The following EBF2 variants were observed in gnomAD, a reference collection of about 807,000 sequenced individuals.
EBF2 encodes the protein transcription factor COE2.
In EBF2, 21 loss-of-function variants were observed where a neutral mutation model predicts 72.8. That is an observed-to-expected ratio of 0.29 (90% CI 0.20 to 0.42). The LOEUF is 0.42. Ranked by LOEUF, EBF2 falls within the 10% of genes least tolerant of loss-of-function variation. The pLI, the probability that EBF2 is intolerant of heterozygous loss-of-function variation, is 1.00. For missense variants in EBF2, 637 were observed against 731.2 expected (o/e 0.87, Z 1.49); for synonymous variants, 299 against 274.2 (o/e 1.09, Z -0.89).
chr8:25,944,255 T>C (rs1342791153), intron 6 of EBF2, among the ~76,000 whole-genome samples: 1 of 152,204 alleles, frequency 6.6e-6, no homozygotes, highest in African/African-American at 2.4e-5. Context: ...CTAAAGTTTA[T>C]AAACATCTCT....
At chr8:26,002,178 C>T (rs545685155) in intron 6 of EBF2, among the ~76,000 whole-genome samples, 1 of 152,246 alleles carries the variant, frequency 6.6e-6, no homozygotes, top group African/African-American at 2.4e-5. Flanking sequence ...GCCAGGATCC[C>T]ACTTCTGGGG....
chr8:25,888,032 CT>C, intron 8 of EBF2, 60 bp from the exon 9 acceptor site: 1 of 1,524,416 alleles, frequency 6.6e-7, no homozygotes, highest in Non-Finnish European at 8.8e-7. Context: ...AACTTTTTGG[CT>C]TCCCAGGCCC....
chr8:25,846,050 A>C (rs1214218271), intron 15 of EBF2, among the ~76,000 whole-genome samples: 1 of 152,046 alleles, frequency 6.6e-6, no homozygotes, highest in Non-Finnish European at 1.5e-5. Context: ...GCCTTTATTG[A>C]ATGTTTGTGA....
intron 6 of EBF2, among the ~76,000 whole-genome samples, chr8:25,935,908 A>C (rs1288110420): frequency 6.6e-6 from 1 of 152,186 alleles, no homozygotes; most frequent in Non-Finnish European, 1.5e-5. Context: ...TGGCTTTCCA[A>C]AGTTGCGACC....
chr8:25,890,731 A>G (rs556633652), intron 7 of EBF2, among the ~76,000 whole-genome samples: 1 of 152,294 alleles, frequency 6.6e-6, no homozygotes, highest in South Asian at 2.1e-4. Flanking sequence ...CACTGACATG[A>G]TGCTTAAAGG....
chr8:25,966,587 G>T (rs897834376), intron 6 of EBF2, among the ~76,000 whole-genome samples: 3 of 152,218 alleles, frequency 2.0e-5, no homozygotes, highest in Non-Finnish European at 4.4e-5. Flanking sequence ...TAGGACAGAG[G>T]TTTCTGAACT....
chr8:25,928,281 G>GAC (rs1803418980), intron 6 of EBF2, among the ~76,000 whole-genome samples: 1 of 152,134 alleles, frequency 6.6e-6, no homozygotes, highest in South Asian at 2.1e-4. Context: ...TGCAGGAATT[G>GAC]AAGAACCTCT....
intron 10 of EBF2, among the ~76,000 whole-genome samples, chr8:25,882,972 C>A (rs1011857792): frequency 6.6e-6 from 1 of 152,216 alleles, no homozygotes; most frequent in Non-Finnish European, 1.5e-5. Flanking sequence ...AAAGGAGCAT[C>A]AGAAAGACAC....
intron 6 of EBF2, among the ~76,000 whole-genome samples, chr8:26,005,277 A>T (rs1170533640): frequency 1.7e-3 from 1 of 578 alleles, no homozygotes; most frequent in East Asian, 0.5. Context: ...TAATATATAT[A>T]ATTATATAAT....
intron 6 of EBF2, among the ~76,000 whole-genome samples, chr8:25,954,858 A>G (rs769277696): frequency 1.3e-5 from 2 of 152,092 alleles, no homozygotes; most frequent in Non-Finnish European, 2.9e-5. Context: ...TTTTAATTAT[A>G]CCATGGCTGG....
chr8:25,982,268 G>A (rs1563199230), intron 6 of EBF2, among the ~76,000 whole-genome samples: 1 of 152,202 alleles, frequency 6.6e-6, no homozygotes, highest in Non-Finnish European at 1.5e-5. Context: ...TTTGCTAAAT[G>A]GGAAGTGGTG....
Position 25,844,566 on chromosome 8 carries a change from C to A in EBF2, c.*43G>T. On this transcript the variant is annotated 3_prime_UTR_variant, in exon 16 of 16. Coordinates refer to ENST00000520164, the MANE Select transcript of EBF2 (RefSeq NM_022659.4). ...CCTAGTGCTTTCTTCATTATTGGTC[C>A]ATCAGAGTAAGTAGTTTTGTGCTAT... is the stretch of plus-strand genomic sequence containing the variant. The A allele has an allele frequency of 6.2e-7, 1 of 1,611,078 alleles. No homozygotes were observed. Among genetic ancestry groups the A allele is most frequent in the Non-Finnish European group, 8.5e-7 (1 of 1,177,352 alleles).
At chr8:25,953,208 C>T (rs1803892454) in intron 6 of EBF2, among the ~76,000 whole-genome samples, 2 of 152,140 alleles carry the variant, frequency 1.3e-5, no homozygotes, top group South Asian at 4.1e-4. Flanking sequence ...TGTAATGCCT[C>T]GTTTACTTAG....
In EBF2 at chr8:25,865,796, C is replaced by T. The variant is rs186709368; in HGVS notation, c.1010-2999G>A. Reference sequence around the variant, plus strand: ...ATCCCAGCACTTTGGGAGGCTGAGGCGGGCAGATCATGAGGTCAGGAGATC... The same window carrying T: ...ATCCCAGCACTTTGGGAGGCTGAGGTGGGCAGATCATGAGGTCAGGAGATC... On this transcript the variant is annotated intron_variant, in intron 10 of 15. Transcript: ENST00000520164. Among the ~76,000 whole-genome samples the T allele has an allele frequency of 3.6e-4, 54 of 151,214 alleles. No individual in the cohort carries two copies. In the East Asian group the frequency reaches 6.2e-3, roughly 17 times the overall value.
At chr8:26,017,663 C>T (rs1805133627) in intron 6 of EBF2, among the ~76,000 whole-genome samples, 1 of 152,148 alleles carries the variant, frequency 6.6e-6, no homozygotes, top group African/African-American at 2.4e-5. Flanking sequence ...CCAAAGGATG[C>T]TTGGAAACTC....
At chr8:26,029,377 A>T (rs756540924) in intron 6 of EBF2, among the ~76,000 whole-genome samples, 1 of 152,216 alleles carries the variant, frequency 6.6e-6, no homozygotes, top group Admixed American at 6.5e-5. Flanking sequence ...CTGAGAGGAG[A>T]TGTTTTACCT....
intron 6 of EBF2, among the ~76,000 whole-genome samples, chr8:25,975,088 T>C (rs138634123): frequency 2.1e-4 from 32 of 152,110 alleles, no homozygotes; most frequent in Non-Finnish European, 4.0e-4. Flanking sequence ...GAAATCCCAC[T>C]CCTAAAACAC....
At chr8:25,935,237 A>G (rs7008954) in intron 6 of EBF2, among the ~76,000 whole-genome samples, 121,731 of 151,968 alleles carry the variant, frequency 0.8, 49,033 homozygotes, top group Non-Finnish European at 0.85. Flanking sequence ...ACAGTTAAGG[A>G]TGGAGAGGGA....
intron 10 of EBF2, among the ~76,000 whole-genome samples, chr8:25,863,216 C>G (rs1297350775): frequency 6.6e-6 from 1 of 152,000 alleles, no homozygotes; most frequent in Non-Finnish European, 1.5e-5. Context: ...CTTAACCAGT[C>G]TCTTATGTAT....
Sources: gnomAD v4.1 joint callset for allele counts (sites outside exome capture counted in the v4.1 genomes callset) on GRCh38, gnomAD v4.1.1 for gene constraint, MANE v1.5 for transcripts, NCBI Gene and HGNC (gene_info 2026-07-23, HGNC 2026-07-21) for gene names.